KCNK12: variants seen among roughly 807,000 people sequenced by gnomAD.
KCNK12 encodes potassium channel subfamily K member 12.
Under a neutral mutation model 25.3 loss-of-function variants are expected in KCNK12, and 6 were observed. The ratio of observed to expected loss-of-function variants is 0.24; its 90% CI spans 0.13 to 0.47. The LOEUF (loss-of-function observed/expected upper bound fraction) is 0.47, where lower values mean the gene tolerates loss of function less well. KCNK12 is among the 20% of genes least tolerant of loss of function. KCNK12 has a pLI of 0.99. For synonymous variants in KCNK12, 331 were observed against 311.1 expected, an observed-to-expected ratio of 1.06 and a Z score of -0.67; for missense variants, 444 against 661.7, an observed-to-expected ratio of 0.67 and a Z score of 3.61.
At position 47,521,462 on chromosome 2, in the gene KCNK12, C is replaced by T. The variant is rs150579360; in HGVS notation, c.738G>A (p.Ser246=). Residue 246 remains serine (S), a synonymous_variant, in exon 2 of 2, where the codon TCG becomes TCA. Coordinates refer to ENST00000327876, the MANE Select transcript of KCNK12 (RefSeq NM_022055.2). ...TSVEGWDYVD[S]LYFCFVTFST... Reference sequence around the variant, plus strand: ...TGAAGGTGACGAAGCAGAAGTAGAGCGAGTCCACGTAGTCCCAGCCCTCCA... The same window carrying T: ...TGAAGGTGACGAAGCAGAAGTAGAGTGAGTCCACGTAGTCCCAGCCCTCCA... The T allele has an allele frequency of 1.1e-5, 18 of 1,612,268 alleles. No individual in the cohort carries two copies. Among genetic ancestry groups the T allele is most frequent in the African/African-American group, 4.0e-5 (3 of 74,898 alleles).
intron 1 of KCNK12, among the ~76,000 whole-genome samples, chr2:47,539,616 T>C (rs1314096094): frequency 6.6e-6 from 1 of 152,074 alleles, no homozygotes; most frequent in East Asian, 1.9e-4. Flanking sequence ...CAGAAATTTC[T>C]AGAAGAATCT....
At position 47,515,077 on chromosome 2, in the gene KCNK12, C is replaced by A. The variant is rs1668488910; in HGVS notation, c.*5830G>T. On this transcript the variant is annotated 3_prime_UTR_variant, in exon 2 of 2. Coordinates refer to ENST00000327876, the MANE Select transcript of KCNK12 (RefSeq NM_022055.2). ...GAAAGGAACCCAAGGATCATCTAGG[C>A]TACTTTATGCAGGTAAAACAGCCAC... Among the ~76,000 whole-genome samples the A allele has an allele frequency of 6.6e-6, 1 of 152,180 alleles. No individual in the cohort carries two copies. Among genetic ancestry groups the A allele is most frequent in the Non-Finnish European group, 1.5e-5 (1 of 68,040 alleles).
chr2:47,524,238 G>C (rs1488012398), intron 1 of KCNK12, among the ~76,000 whole-genome samples: 1 of 152,198 alleles, frequency 6.6e-6, no homozygotes, highest in Non-Finnish European at 1.5e-5. Flanking sequence ...AAAGAAATCA[G>C]CTCTGAATTT....
intron 1 of KCNK12, among the ~76,000 whole-genome samples, chr2:47,546,915 G>A (rs1054213822): frequency 6.6e-5 from 10 of 151,654 alleles, no homozygotes; most frequent in African/African-American, 2.4e-4. Context: ...AGGGAGTACA[G>A]CTGAGAAGGG....
intron 1 of KCNK12, chr2:47,564,956 C>T (rs182597167): frequency 1.2e-4 from 18 of 151,932 alleles, no homozygotes; most frequent in Admixed American, 9.8e-4. Flanking sequence ...TTGCTTGAGC[C>T]CGGGAGTTTG....
intron 1 of KCNK12, among the ~76,000 whole-genome samples, chr2:47,558,207 C>T (rs1389196319): frequency 6.6e-6 from 1 of 152,238 alleles, no homozygotes; most frequent in Non-Finnish European, 1.5e-5. Context: ...ATAGCGTTCT[C>T]ATCTTCCAGG....
chr2:47,512,294 T>G lies in KCNK12; in HGVS notation c.*8613A>C, dbSNP rs777842899. On this transcript the variant is annotated 3_prime_UTR_variant, in exon 2 of 2. Transcript: ENST00000327876. ...CCTACATTTTCTCCTCTCTTCTCCT[T>G]CCTTTCAGAACCTCAGAGTGACAGA... The G allele has an allele frequency of 1.5e-5, 24 of 1,612,138 alleles. No individual in the cohort carries two copies. Among genetic ancestry groups the G allele is most frequent in the Non-Finnish European group, 1.9e-5 (23 of 1,179,706 alleles).
At chr2:47,544,220 G>T (rs571965863) in intron 1 of KCNK12, among the ~76,000 whole-genome samples, 3 of 152,174 alleles carry the variant, frequency 2.0e-5, no homozygotes, top group African/African-American at 7.2e-5. Context: ...CAGCATACAC[G>T]TGGTGTTTCG....
At chr2:47,561,589 A>G (rs1669671787) in intron 1 of KCNK12, among the ~76,000 whole-genome samples, 1 of 152,144 alleles carries the variant, frequency 6.6e-6, no homozygotes, top group Admixed American at 6.5e-5. Context: ...TCCTTCACAG[A>G]GAGGCAGGGC....
In KCNK12 at chr2:47,556,112, G is replaced by C. The variant is rs571159370; in HGVS notation, c.391+13829C>G. On this transcript the variant is annotated intron_variant, in intron 1 of 1. Coordinates refer to ENST00000327876, the MANE Select transcript of KCNK12 (RefSeq NM_022055.2). The surrounding 1 kb of genome is among the most constrained non-coding windows in gnomAD (Gnocchi z 4.8). ...TTCTCAGAAGCTTTCCTGTAAAGGA[G>C]GGCAGAGAAATGGGAAAGTAGCAGG... Among the ~76,000 whole-genome samples, 23 of 152,316 alleles carry C rather than the reference G, an allele frequency of 1.5e-4. No homozygotes were observed. Among genetic ancestry groups the C allele is most frequent in the African/African-American group, 5.3e-4 (22 of 41,572 alleles).
Position 47,512,030 on chromosome 2 carries a change from G to A in KCNK12, c.*8877C>T, listed in dbSNP as rs985721319. Among the ~76,000 whole-genome samples the A allele has an allele frequency of 6.6e-6, 1 of 152,160 alleles. No individual in the cohort carries two copies. Among genetic ancestry groups the A allele is most frequent in the African/African-American group, 2.4e-5 (1 of 41,438 alleles). ...TGGGGAAGCAGAAACAAATGAAAAC[G>A]AGGATCTGGAGCTCATGAAGTTTCT... On this transcript the variant is annotated 3_prime_UTR_variant, in exon 2 of 2. Transcript: ENST00000327876.
At chr2:47,524,485 A>T (rs1227050450) in intron 1 of KCNK12, among the ~76,000 whole-genome samples, 1 of 152,278 alleles carries the variant, frequency 6.6e-6, no homozygotes, top group East Asian at 1.9e-4. Context: ...TTCCATTAAC[A>T]TAAAATTCAA....
At position 47,551,137 on chromosome 2, in the gene KCNK12, C is replaced by T. The variant is rs1353043290; in HGVS notation, c.391+18804G>A. Among the ~76,000 whole-genome samples, 1 of 152,186 alleles carries T rather than the reference C, an allele frequency of 6.6e-6. No individual in the cohort carries two copies. The highest frequency in any genetic ancestry group is 1.5e-5 in the Non-Finnish European group (1 of 68,032). On this transcript the variant is annotated intron_variant, in intron 1 of 1. Coordinates refer to ENST00000327876, the MANE Select transcript of KCNK12 (RefSeq NM_022055.2). The surrounding 1 kb of genome is among the most constrained non-coding windows in gnomAD (Gnocchi z 5.3). ...CATGACCTAGTCTCTGGCTACTGCT[C>T]TGAGCTCACATTCTAACTCCCACTT...
rs1447512103 is a variant in KCNK12, at chr2:47,520,703, G to A, written c.*204C>T. 2 of 395,572 alleles carry A rather than the reference G, an allele frequency of 5.1e-6. No homozygotes were observed. Among genetic ancestry groups the A allele is most frequent in the Admixed American group, 4.5e-5 (1 of 22,410 alleles). The allele number at this position is 395,572 out of a possible 1,614,324, so 24.5% of individuals were successfully genotyped here. A position where few individuals can be genotyped will look rare whatever the true frequency, so the allele number is the denominator to read the frequency against. ...GCTGGGGGCCACGGTTCTCCAAGAG[G>A]GGACTCACAAGGAACACAGGCGTCC... On this transcript the variant is annotated 3_prime_UTR_variant, in exon 2 of 2. Transcript: ENST00000327876. The surrounding 1 kb of genome is among the most constrained non-coding windows in gnomAD (Gnocchi z 5.0).
rs1215029325 is a variant in KCNK12, at chr2:47,517,148, T to C, written c.*3759A>G. 2 of 152,182 alleles carry C rather than the reference T, an allele frequency of 1.3e-5. No individual in the cohort carries two copies. Among genetic ancestry groups the C allele is most frequent in the Non-Finnish European group, 2.9e-5 (2 of 68,042 alleles). 9.4% of individuals were successfully genotyped at this position (152,182 alleles called of 1,614,324 possible). A position where few individuals can be genotyped will look rare whatever the true frequency, so the allele number is the denominator to read the frequency against. ...ATGTGGAATTGTGCTTTTTGTTTTT[T>C]AAGAATGTAAAAAGTTACAGTAAGA... On this transcript the variant is annotated 3_prime_UTR_variant, in exon 2 of 2. Coordinates refer to ENST00000327876, the MANE Select transcript of KCNK12 (RefSeq NM_022055.2). The surrounding 1 kb of genome is among the most constrained non-coding windows in gnomAD (Gnocchi z 4.1).
rs1241003086 is a variant in KCNK12 at position 47,516,896 on chromosome 2, A to C, written c.*4011T>G. The C allele has an allele frequency of 6.6e-6, 1 of 152,230 alleles. No homozygotes were observed. Among genetic ancestry groups the C allele is most frequent in the East Asian group, 1.9e-4 (1 of 5,184 alleles). 9.4% of individuals were successfully genotyped at this position (152,230 alleles called of 1,614,324 possible). On this transcript the variant is annotated 3_prime_UTR_variant, in exon 2 of 2. Transcript: ENST00000327876. ...AAGTGCCAGAGCTGCTTCAGGGGCAAGAGTCCAGGCCCCAAGTCCATGCTG... is the reference window on the plus strand; with the variant it reads ...AAGTGCCAGAGCTGCTTCAGGGGCACGAGTCCAGGCCCCAAGTCCATGCTG...
Position 47,566,409 on chromosome 2 carries a change from T to C in KCNK12, c.391+3532A>G. On this transcript the variant is annotated intron_variant, in intron 1 of 1. Transcript: ENST00000327876. The surrounding 1 kb of genome is among the most constrained non-coding windows in gnomAD (Gnocchi z 4.1). ...ACACATGTGCTCTCAAGAGTGTGTG[T>C]GTGCACGTGTGTACACACACACGTG... 6.6e-6 allele frequency: 1 copy of C among 151,824 alleles called. No homozygotes were observed. The highest frequency in any genetic ancestry group is 2.1e-4 in the South Asian group (1 of 4,812). The allele number at this position is 151,824 out of a possible 1,614,324, so 9.4% of individuals were successfully genotyped here.
chr2:47,534,235 C>CG (rs952751632), intron 1 of KCNK12, among the ~76,000 whole-genome samples: 19 of 152,086 alleles, frequency 1.2e-4, no homozygotes, highest in African/African-American at 3.9e-4. Context: ...CAACCACCCC[C>CG]CACTCTGTGC....
chr2:47,570,756 C>T lies in KCNK12; in HGVS notation c.-425G>A, dbSNP rs960569807. 1 of 152,708 alleles carries T rather than the reference C, an allele frequency of 6.5e-6. No homozygotes were observed. The highest frequency in any genetic ancestry group is 1.5e-5 in the Non-Finnish European group (1 of 68,498). 9.5% of individuals were successfully genotyped at this position (152,708 alleles called of 1,614,324 possible). A position where few individuals can be genotyped will look rare whatever the true frequency, so the allele number is the denominator to read the frequency against. On this transcript the variant is annotated 5_prime_UTR_variant, in exon 1 of 2. An upstream open reading frame in the 5' UTR loses its in-frame stop. Transcript: ENST00000327876. ...GGGGTGGGCCGTGGATCCCGGGCGC[C>T]TAGGACCGGGACGCGGCAGCAAGGC...
Sources: allele counts gnomAD v4.1 joint callset (sites outside exome capture counted in the v4.1 genomes callset), GRCh38; gene constraint gnomAD v4.1.1; non-coding constraint Gnocchi (gnomAD v3.1); transcripts MANE v1.5; gene names NCBI Gene and HGNC (gene_info 2026-07-23, HGNC 2026-07-21).